Variants in AKAP6 observed in about 807,000 individuals in gnomAD.
AKAP6 encodes the protein A-kinase anchoring protein 6, also known as A-kinase anchor protein 6.
In AKAP6, 58 loss-of-function variants were observed where a neutral mutation model predicts 188.5. The observed-to-expected ratio is 0.31, with a 90% CI of 0.25 to 0.38. AKAP6 has a LOEUF of 0.38. Ranked by LOEUF, AKAP6 falls within the 10% of genes least tolerant of loss-of-function variation. AKAP6 has a pLI of 1.00. For missense variants in AKAP6, 2,710 were observed against 2,740.0 expected, an observed-to-expected ratio of 0.99 and a Z score of 0.24; for synonymous variants, 989 against 998.6, an observed-to-expected ratio of 0.99 and a Z score of 0.18.
At chr14:32,687,074 T>G (rs1479787371) in intron 8 of AKAP6, among the ~76,000 whole-genome samples, 1 of 152,112 alleles carries the variant, frequency 6.6e-6, no homozygotes, top group Non-Finnish European at 1.5e-5. Flanking sequence ...TAAAATAGGA[T>G]TATAGGCTAA....
At chr14:32,558,317 T>C (rs961825795) in intron 4 of AKAP6, among the ~76,000 whole-genome samples, 2 of 152,202 alleles carry the variant, frequency 1.3e-5, no homozygotes, top group African/African-American at 4.8e-5. Context: ...ATGTAGTACT[T>C]GAGGTAGATA....
chr14:32,404,135 T>C (rs1889192835), intron 1 of AKAP6, among the ~76,000 whole-genome samples: 1 of 152,188 alleles, frequency 6.6e-6, no homozygotes, highest in African/African-American at 2.4e-5. Context: ...AAAAATATTC[T>C]AAGAAAAACT....
At chr14:32,647,063 G>A (rs986718354) in intron 7 of AKAP6, among the ~76,000 whole-genome samples, 1 of 152,064 alleles carries the variant, frequency 6.6e-6, no homozygotes, top group Non-Finnish European at 1.5e-5. Context: ...CAAAACAATA[G>A]TCAAGAAAGT....
intron 1 of AKAP6, among the ~76,000 whole-genome samples, chr14:32,385,675 C>T (rs1193632854): frequency 6.6e-6 from 1 of 151,386 alleles, no homozygotes; most frequent in Non-Finnish European, 1.5e-5. Flanking sequence ...TTTTCCATTC[C>T]TGAGTTACTT....
chr14:32,441,514 T>C (rs1890576054), intron 2 of AKAP6, among the ~76,000 whole-genome samples: 1 of 152,214 alleles, frequency 6.6e-6, no homozygotes, highest in South Asian at 2.1e-4. Flanking sequence ...TAAATCCTTT[T>C]TTGATTGTTG....
At chr14:32,400,759 C>T (rs1050369187) in intron 1 of AKAP6, among the ~76,000 whole-genome samples, 6 of 152,054 alleles carry the variant, frequency 3.9e-5, no homozygotes, top group Admixed American at 1.3e-4. Context: ...TCTGAATCTC[C>T]TGGAATTCTT....
At chr14:32,760,488 GGTTT>G (rs2032500011) in intron 11 of AKAP6, among the ~76,000 whole-genome samples, 1 of 152,058 alleles carries the variant, frequency 6.6e-6, no homozygotes, top group Non-Finnish European at 1.5e-5. Context: ...CTTAAGTTGT[GGTTT>G]GTTTTTCAAT....
At chr14:32,709,575 T>C (rs1890955876) in intron 9 of AKAP6, among the ~76,000 whole-genome samples, 1 of 152,088 alleles carries the variant, frequency 6.6e-6, no homozygotes, top group Non-Finnish European at 1.5e-5. Flanking sequence ...TGCAAGTACC[T>C]TGAAAAGACC....
intron 4 of AKAP6, among the ~76,000 whole-genome samples, chr14:32,576,167 AT>A (rs1289528241): frequency 5.9e-5 from 9 of 152,144 alleles, no homozygotes; most frequent in Non-Finnish European, 1.3e-4. Context: ...AAAAATATTA[AT>A]CAAGATTATT....
At chr14:32,383,375 G>C (rs896447354) in intron 1 of AKAP6, among the ~76,000 whole-genome samples, 2 of 151,998 alleles carry the variant, frequency 1.3e-5, no homozygotes, top group East Asian at 3.9e-4. Context: ...TCCTAATCTA[G>C]TCTGAAAAAG....
chr14:32,614,643 TA>T (rs1245261554), intron 7 of AKAP6, among the ~76,000 whole-genome samples: 1 of 152,164 alleles, frequency 6.6e-6, no homozygotes, highest in Non-Finnish European at 1.5e-5. Context: ...GCCTAACCAA[TA>T]GCCATTTTCC....
intron 12 of AKAP6, among the ~76,000 whole-genome samples, chr14:32,803,294 AAAC>A (rs2034002791): frequency 6.7e-6 from 1 of 149,118 alleles, no homozygotes; most frequent in Non-Finnish European, 1.5e-5. Context: ...AAAAAAAACA[AAAC>A]AAATATTTTT....
At chr14:32,662,478 A>T in intron 7 of AKAP6, among the ~76,000 whole-genome samples, 1 of 152,116 alleles carries the variant, frequency 6.6e-6, no homozygotes, top group East Asian at 1.9e-4. Flanking sequence ...AGAATGTTTC[A>T]TGTTCTAGAT....
intron 2 of AKAP6, among the ~76,000 whole-genome samples, chr14:32,461,652 A>G (rs1016236379): frequency 1.3e-5 from 2 of 152,106 alleles, no homozygotes; most frequent in East Asian, 1.9e-4. Context: ...TGAAAATTCC[A>G]AAAACCAGAA....
intron 7 of AKAP6, among the ~76,000 whole-genome samples, chr14:32,643,655 C>G (rs984157534): frequency 2.0e-5 from 3 of 152,064 alleles, no homozygotes; most frequent in Non-Finnish European, 4.4e-5. Context: ...TCCTTTTCTC[C>G]CTCCTGATTT....
intron 2 of AKAP6, among the ~76,000 whole-genome samples, chr14:32,448,179 G>T (rs373771733): frequency 2.6e-5 from 4 of 152,116 alleles, no homozygotes; most frequent in African/African-American, 9.7e-5. Flanking sequence ...ACTTTATAAC[G>T]TGGCAATGCC....
At chr14:32,405,526 A>G (rs1889259666) in intron 1 of AKAP6, among the ~76,000 whole-genome samples, 3 of 152,264 alleles carry the variant, frequency 2.0e-5, no homozygotes, top group African/African-American at 2.4e-5. Flanking sequence ...AAACAAAAAT[A>G]TTTCAGATTT....
chr14:32,395,876 C>T (rs1018450735), intron 1 of AKAP6, among the ~76,000 whole-genome samples: 2 of 152,142 alleles, frequency 1.3e-5, no homozygotes, highest in African/African-American at 4.8e-5. Flanking sequence ...GTCCCTACTA[C>T]TCCATGAGTC....
chr14:32,678,402 G>A lies in AKAP6; in HGVS notation c.2822G>A (p.Ser941Asn). The A allele has an allele frequency of 6.2e-7, 1 of 1,613,958 alleles. No individual in the cohort carries two copies. The highest frequency in any genetic ancestry group is 1.3e-5 in the African/African-American group (1 of 75,048). The change falls in exon 8 of 14, where the codon AGC becomes AAC. Residue 941 changes from serine to asparagine, a missense_variant. Ser to Asn is a conservative substitution (Grantham distance 46). Coordinates refer to ENST00000280979, the MANE Select transcript of AKAP6 (RefSeq NM_004274.5). ...KLYSEQYTSS[S>N]KRKEEFADMS... is the part of the protein sequence containing the mutation. Reference sequence around the variant, plus strand: ...TACAGCGAGCAGTATACCAGCAGCAGCAAGCGAAAGGAAGAGTTTGCTGAT... The same window carrying A: ...TACAGCGAGCAGTATACCAGCAGCAACAAGCGAAAGGAAGAGTTTGCTGAT...
Sources: gnomAD v4.1 joint callset for allele counts (sites outside exome capture counted in the v4.1 genomes callset) on GRCh38, gnomAD v4.1.1 for gene constraint, MANE v1.5 for transcripts, NCBI Gene and HGNC (gene_info 2026-07-23, HGNC 2026-07-21) for gene names.